RBFOX2: variants seen among roughly 807,000 people sequenced by gnomAD.
The protein encoded by RBFOX2 is RNA binding fox-1 homolog 2, also known as RNA binding protein fox-1 homolog 2.
Under a neutral mutation model 49.1 loss-of-function variants are expected in RBFOX2, and 10 were observed. The observed-to-expected ratio is 0.20, with a 90% CI of 0.13 to 0.35. The LOEUF (loss-of-function observed/expected upper bound fraction) is 0.35, where lower values mean the gene tolerates loss of function less well. Among genes scored for constraint, RBFOX2 ranks in the 10% least tolerant of loss-of-function variants. The pLI, the probability that RBFOX2 is intolerant of heterozygous loss-of-function variation, is 1.00. For missense variants in RBFOX2, 323 were observed against 486.9 expected, an observed-to-expected ratio of 0.66 and a Z score of 3.17; for synonymous variants, 183 against 187.4, an observed-to-expected ratio of 0.98 and a Z score of 0.19.
chr22:35,739,062 A>C (rs1240450608), exon 12 of RBFOX2: 1 of 152,876 alleles, frequency 6.5e-6, no homozygotes, highest in Admixed American at 6.5e-5. Context: ...GTTAGCAGGG[A>C]AACAGGACCC....
chr22:36,018,134 T>C (rs752709615), intron 1 of RBFOX2, among the ~76,000 whole-genome samples: 9 of 152,184 alleles, frequency 5.9e-5, no homozygotes, highest in Non-Finnish European at 1.0e-4. Context: ...TCTTGACTAC[T>C]TGGGCCCAGG....
chr22:36,001,512 G>C (rs887169928), intron 1 of RBFOX2, among the ~76,000 whole-genome samples: 2 of 152,114 alleles, frequency 1.3e-5, no homozygotes, highest in African/African-American at 4.8e-5. Context: ...TGTAATCCTA[G>C]TACTTTGAGA....
chr22:35,922,735 T>G (rs139887141), intron 1 of RBFOX2, among the ~76,000 whole-genome samples: 1 of 152,184 alleles, frequency 6.6e-6, no homozygotes, highest in Non-Finnish European at 1.5e-5. Context: ...ATATAAAAAT[T>G]ATATGAAATT....
chr22:35,785,488 A>G (rs1185259627), intron 2 of RBFOX2, among the ~76,000 whole-genome samples: 1 of 152,252 alleles, frequency 6.6e-6, no homozygotes, highest in African/African-American at 2.4e-5. Context: ...AGATTCTTCT[A>G]GGTGACAGGA....
chr22:35,830,973 T>A (rs140313628), intron 1 of RBFOX2, among the ~76,000 whole-genome samples: 1 of 152,166 alleles, frequency 6.6e-6, no homozygotes, highest in East Asian at 1.9e-4. Flanking sequence ...CTAGAACCAC[T>A]CAAAACTGTC....
intron 1 of RBFOX2, among the ~76,000 whole-genome samples, chr22:35,981,822 G>A (rs1285739679): frequency 6.6e-6 from 1 of 151,954 alleles, no homozygotes; most frequent in African/African-American, 2.4e-5. Context: ...CCTTATGTTT[G>A]AGGCCCCAAA....
intron 1 of RBFOX2, among the ~76,000 whole-genome samples, chr22:35,814,193 T>C (rs981230259): frequency 7.2e-5 from 11 of 152,154 alleles, no homozygotes; most frequent in Non-Finnish European, 1.2e-4. Context: ...CAGTTGTCCC[T>C]TCATATCTGC....
intron 8 of RBFOX2, 77 bp from the exon 10 acceptor site, chr22:35,760,097 A>G: frequency 1.3e-6 from 2 of 1,559,764 alleles, no homozygotes; most frequent in Non-Finnish European, 1.8e-6. Flanking sequence ...CTTGCTATGA[A>G]CCAATTATAG....
intron 1 of RBFOX2, among the ~76,000 whole-genome samples, chr22:36,022,799 C>T (rs951937490): frequency 6.6e-6 from 1 of 152,044 alleles, no homozygotes; most frequent in African/African-American, 2.4e-5. Flanking sequence ...CTCTCTCTCC[C>T]CCAGGGCACA....
At chr22:36,009,728 A>G (rs965459313) in intron 1 of RBFOX2, among the ~76,000 whole-genome samples, 2 of 152,144 alleles carry the variant, frequency 1.3e-5, no homozygotes, top group African/African-American at 4.8e-5. Context: ...ATACAGTGTG[A>G]TAACTGCTCA....
intron 1 of RBFOX2, among the ~76,000 whole-genome samples, chr22:35,887,941 A>C (rs934317288): frequency 6.6e-6 from 1 of 152,088 alleles, no homozygotes; most frequent in Non-Finnish European, 1.5e-5. Flanking sequence ...CCTCCTTAAG[A>C]TCTATAGTTT....
At chr22:35,891,195 G>A (rs1227884940) in intron 1 of RBFOX2, among the ~76,000 whole-genome samples, 17 of 151,924 alleles carry the variant, frequency 1.1e-4, no homozygotes, top group African/African-American at 3.4e-4. Flanking sequence ...AAGCAGTGGC[G>A]TGATCTCGGC....
At chr22:35,891,807 AAAAT>A (rs1297671384) in intron 1 of RBFOX2, among the ~76,000 whole-genome samples, 5 of 152,096 alleles carry the variant, frequency 3.3e-5, no homozygotes, top group Non-Finnish European at 5.9e-5. Context: ...CGAGAGAGGG[AAAAT>A]AAATGACATA....
At chr22:36,028,257 C>A in exon 1 of RBFOX2, 1 of 1,529,450 alleles carries the variant, frequency 6.5e-7, no homozygotes, top group Non-Finnish European at 8.7e-7. Context: ...CCGCCGCCAC[C>A]GTCGGCCGCC....
chr22:35,951,305 G>C (rs2054906598), intron 1 of RBFOX2, among the ~76,000 whole-genome samples: 1 of 140,712 alleles, frequency 7.1e-6, no homozygotes, highest in Non-Finnish European at 1.5e-5. Context: ...GAGTGCAGTG[G>C]CGTGATCTTG....
intron 1 of RBFOX2, among the ~76,000 whole-genome samples, chr22:35,936,237 CAAA>C (rs58153258): frequency 9.3e-5 from 6 of 64,528 alleles, no homozygotes; most frequent in Admixed American, 1.7e-4. Context: ...CCAACAACAA[CAAA>C]AAAAAAAAAA....
chr22:35,880,559 T>C (rs567177334), intron 1 of RBFOX2, among the ~76,000 whole-genome samples: 1 of 152,298 alleles, frequency 6.6e-6, no homozygotes, highest in South Asian at 2.1e-4. Flanking sequence ...GGGCCCAACT[T>C]TTCTTTTCAA....
intron 1 of RBFOX2, among the ~76,000 whole-genome samples, chr22:35,916,665 G>A (rs940831108): frequency 5.9e-5 from 9 of 152,070 alleles, no homozygotes; most frequent in Non-Finnish European, 1.0e-4. Context: ...AGAGGCTGAC[G>A]CGGGCGGGTC....
intron 1 of RBFOX2, among the ~76,000 whole-genome samples, chr22:35,894,661 G>A (rs1052929571): frequency 6.6e-6 from 1 of 152,072 alleles, no homozygotes; most frequent in Non-Finnish European, 1.5e-5. Flanking sequence ...CACAATCACC[G>A]CTAGGTTTTA....
Sources: allele counts gnomAD v4.1 joint callset (sites outside exome capture counted in the v4.1 genomes callset), GRCh38; gene constraint gnomAD v4.1.1; transcripts MANE v1.5; gene names NCBI Gene and HGNC (gene_info 2026-07-23, HGNC 2026-07-21).